Variants in FBXL5 observed in about 807,000 individuals in gnomAD.
FBXL5 encodes F-box/LRR-repeat protein 5.
Under a neutral mutation model 78.3 loss-of-function variants are expected in FBXL5, and 26 were observed. That is an observed-to-expected ratio of 0.33 (90% confidence interval 0.24 to 0.46). The LOEUF (loss-of-function observed/expected upper bound fraction) is 0.46. FBXL5 is among the 20% of genes least tolerant of loss of function. The pLI is 1.00. For missense variants in FBXL5, 710 were observed against 829.2 expected, an observed-to-expected ratio of 0.86 and a Z score of 1.77; for synonymous variants, 295 against 282.5, an observed-to-expected ratio of 1.04 and a Z score of -0.45.
intron 8 of FBXL5, 135 bp from the exon 9 acceptor site, chr4:15,626,112 A>T: frequency 2.4e-6 from 2 of 828,116 alleles, no homozygotes; most frequent in Non-Finnish European, 3.6e-6. Flanking sequence ...TGAATTATCT[A>T]TTGTTAAGGT....
At chr4:15,672,724 C>A (rs1478209650) in intron 1 of FBXL5, among the ~76,000 whole-genome samples, 1 of 152,158 alleles carries the variant, frequency 6.6e-6, no homozygotes, top group Non-Finnish European at 1.5e-5. Context: ...ACACTGCACA[C>A]TTAGGCTTAA....
At chr4:15,622,644 AG>A (rs1267249598) in intron 9 of FBXL5, among the ~76,000 whole-genome samples, 1 of 151,274 alleles carries the variant, frequency 6.6e-6, no homozygotes, top group Non-Finnish European at 1.5e-5. Context: ...AACTGCATGA[AG>A]GCAGAGAATT....
intron 7 of FBXL5, among the ~76,000 whole-genome samples, 178 bp from the exon 8 acceptor site, chr4:15,627,133 T>C (rs1472240664): frequency 7.3e-5 from 2 of 27,578 alleles, no homozygotes; most frequent in Non-Finnish European, 1.3e-4. Context: ...GAGAATCTCT[T>C]TTTTTTTTTT....
At chr4:15,669,352 A>G (rs1717669062) in intron 1 of FBXL5, among the ~76,000 whole-genome samples, 1 of 152,212 alleles carries the variant, frequency 6.6e-6, no homozygotes, top group Non-Finnish European at 1.5e-5. Flanking sequence ...AAGGTAGAGT[A>G]AAAATACAGT....
intron 9 of FBXL5, among the ~76,000 whole-genome samples, chr4:15,614,909 T>A (rs1471433249): frequency 5.3e-5 from 8 of 152,064 alleles, no homozygotes; most frequent in Non-Finnish European, 2.9e-5. Context: ...CAGGGAGGTG[T>A]AGAGGGACAG....
upstream of FBXL5, among the ~76,000 whole-genome samples, chr4:15,661,900 G>A (rs540477380): frequency 2.0e-5 from 3 of 152,210 alleles, no homozygotes; most frequent in Non-Finnish European, 4.4e-5. Flanking sequence ...TGGCTGTTGA[G>A]AGGCCTCACA....
intron 1 of FBXL5, among the ~76,000 whole-genome samples, chr4:15,652,831 C>A (rs1229265592): frequency 1.3e-5 from 2 of 152,080 alleles, no homozygotes; most frequent in Non-Finnish European, 2.9e-5. Flanking sequence ...CTATTTTGTA[C>A]CTTTTTAGTC....
chr4:15,680,962 T>C (rs12642407), intron 1 of FBXL5, among the ~76,000 whole-genome samples: 36,093 of 147,160 alleles, frequency 0.25, 4,616 homozygotes, highest in African/African-American at 0.29. Flanking sequence ...TTGTTTCACA[T>C]ATATATATAA....
chr4:15,665,865 C>T (rs1269224874), intron 1 of FBXL5, among the ~76,000 whole-genome samples: 1 of 152,100 alleles, frequency 6.6e-6, no homozygotes, highest in African/African-American at 2.4e-5. Flanking sequence ...TGTACCTGCA[C>T]CTGTTCTGAC....
upstream of FBXL5, among the ~76,000 whole-genome samples, chr4:15,658,795 G>T (rs935351825): frequency 6.6e-6 from 1 of 152,136 alleles, no homozygotes; most frequent in African/African-American, 2.4e-5. Flanking sequence ...CTACTTTCTC[G>T]ATAGCCACAG....
At chr4:15,623,390 G>A (rs947108870) in intron 9 of FBXL5, among the ~76,000 whole-genome samples, 1 of 151,812 alleles carries the variant, frequency 6.6e-6, no homozygotes, top group Non-Finnish European at 1.5e-5. Flanking sequence ...AGTCATTGCG[G>A]CTCTGAAAGG....
chr4:15,610,214 C>T (rs114081776), intron 10 of FBXL5, among the ~76,000 whole-genome samples: 240 of 152,092 alleles, frequency 1.6e-3, no homozygotes, highest in African/African-American at 5.5e-3. Flanking sequence ...AAACTGGATA[C>T]AACACAACTT....
chr4:15,629,304 A>G (rs1713386297), intron 6 of FBXL5, among the ~76,000 whole-genome samples: 1 of 152,144 alleles, frequency 6.6e-6, no homozygotes, highest in Non-Finnish European at 1.5e-5. Flanking sequence ...CAACATTCTT[A>G]CCACGGGTAT....
chr4:15,643,036 T>C (rs1715050341), intron 2 of FBXL5, among the ~76,000 whole-genome samples: 1 of 152,300 alleles, frequency 6.6e-6, no homozygotes, highest in East Asian at 1.9e-4. Context: ...TAGTTCAGAT[T>C]TGTCGAAGGT....
In FBXL5 at chr4:15,666,922, T is replaced by G. The variant is rs1717570971; in HGVS notation, c.-283-7000A>C. Among the ~76,000 whole-genome samples the G allele has an allele frequency of 2.0e-5, 3 of 152,054 alleles. No individual in the cohort carries two copies. The South Asian group carries it at 6.2e-4, about 32-fold the overall frequency. ...GTGCTAAATGTGTTAATTAGCTTGATGTAATCATTCCACATTGTAGACATA... is the reference window on the plus strand; with the variant it reads ...GTGCTAAATGTGTTAATTAGCTTGAGGTAATCATTCCACATTGTAGACATA... On this transcript the variant is annotated intron_variant, in intron 1 of 4. Transcript: ENST00000507899.
In FBXL5 at chr4:15,640,903, T is replaced by C. The variant is rs753116902; in HGVS notation, c.301-20A>G. The C allele has an allele frequency of 4.8e-6, 6 of 1,253,826 alleles. No individual in the cohort carries two copies. The South Asian group carries it at 6.2e-5, about 13-fold the overall frequency. The allele number at this position is 1,253,826 out of a possible 1,614,324, so 77.7% of individuals were successfully genotyped here. A position where few individuals can be genotyped will look rare whatever the true frequency, so the allele number is the denominator to read the frequency against. ...TTCATTCTGGAAACCAAAAAAAAAA[T>C]ACATTTTTATAAAAGTTTCGCTTCA... On this transcript the variant is annotated intron_variant, in intron 2 of 10. Transcript: ENST00000341285.
rs960728346 is a variant in FBXL5 at position 15,680,977 on chromosome 4, A to G, written c.-284+406T>C. ...TTGTTTCACATATATATATAAATAT[A>G]TATCTCAACCACAAAAAAATTTGGT... On this transcript the variant is annotated intron_variant, in intron 1 of 4. Transcript: ENST00000507899. Among the ~76,000 whole-genome samples the G allele has an allele frequency of 4.2e-5, 6 of 141,254 alleles. No homozygotes were observed. In the Admixed American group the frequency reaches 4.4e-4, roughly 10 times the overall value. 92.7% of individuals were successfully genotyped at this position (141,254 alleles called of 152,430 possible). A position where few individuals can be genotyped will look rare whatever the true frequency, so the allele number is the denominator to read the frequency against.
chr4:15,610,933 C>T (rs1488134354), intron 10 of FBXL5, among the ~76,000 whole-genome samples: 1 of 152,068 alleles, frequency 6.6e-6, no homozygotes, highest in African/African-American at 2.4e-5. Context: ...AATAAAATAA[C>T]TTTATGTTAA....
chr4:15,680,669 C>CTCT (rs1330535881), intron 1 of FBXL5, among the ~76,000 whole-genome samples: 2 of 151,490 alleles, frequency 1.3e-5, no homozygotes, highest in Non-Finnish European at 2.9e-5. Context: ...GAGTGAGACT[C>CTCT]CGTCTCAAAA....
Sources: allele counts gnomAD v4.1 joint callset (sites outside exome capture counted in the v4.1 genomes callset), GRCh38; gene constraint gnomAD v4.1.1; transcripts MANE v1.5; gene names NCBI Gene and HGNC (gene_info 2026-07-23, HGNC 2026-07-21).